The following TBC1D8 variants were observed in gnomAD, a reference collection of about 807,000 sequenced individuals.
The protein encoded by TBC1D8 is TBC1 domain family member 8.
TBC1D8 carries 65 observed loss-of-function variants against 118.8 expected under a neutral mutation model. That is an observed-to-expected ratio of 0.55 (90% confidence interval 0.45 to 0.67). The LOEUF is 0.67. TBC1D8 is among the 30% of genes least tolerant of loss of function. The pLI is 0.00. For synonymous variants in TBC1D8, 566 were observed against 595.8 expected, an observed-to-expected ratio of 0.95 and a Z score of 0.73; for missense variants, 1,376 against 1,471.2, an observed-to-expected ratio of 0.94 and a Z score of 1.06.
rs775862111 is a variant in TBC1D8 at position 101,090,383 on chromosome 2, G to C, written c.128-19C>G. 8.1e-6 allele frequency: 13 copies of C among 1,613,300 alleles called. No homozygotes were observed. In the East Asian group the frequency reaches 2.9e-4, roughly 36 times the overall value. On this transcript the variant is annotated intron_variant, in intron 1 of 19. Coordinates refer to ENST00000409318, the MANE Select transcript of TBC1D8 (RefSeq NM_001330348.2). ...AGGCGACCTTCAAAAGAAAAGAGAAGAAAGTGCACCTGTGAGCATGGGGCT... is the reference window on the plus strand; with the variant it reads ...AGGCGACCTTCAAAAGAAAAGAGAACAAAGTGCACCTGTGAGCATGGGGCT...
chr2:101,019,766 C>T (rs952623070), intron 17 of TBC1D8: 1 of 152,082 alleles, frequency 6.6e-6, no homozygotes, highest in African/African-American at 2.4e-5. Context: ...AGTAGTAATT[C>T]ATTAGAAAGT....
intron 1 of TBC1D8, among the ~76,000 whole-genome samples, chr2:101,094,304 TC>T (rs1676252098): frequency 6.6e-6 from 1 of 152,118 alleles, no homozygotes; most frequent in Non-Finnish European, 1.5e-5. Flanking sequence ...TAGCCATACC[TC>T]AGGGGAGCTC....
At chr2:101,146,188 TGA>T (rs1206975381) in intron 1 of TBC1D8, among the ~76,000 whole-genome samples, 4 of 152,334 alleles carry the variant, frequency 2.6e-5, no homozygotes, top group African/African-American at 4.8e-5. Flanking sequence ...TTCTTAAGGC[TGA>T]GTTATAACTA....
intron 2 of TBC1D8, among the ~76,000 whole-genome samples, chr2:101,082,571 C>A (rs1431184581): frequency 1.3e-5 from 2 of 152,204 alleles, no homozygotes; most frequent in African/African-American, 4.8e-5. Context: ...AGCCGACTTA[C>A]AATGGAATAT....
At chr2:101,052,469 T>C (rs1682134660) in intron 4 of TBC1D8, among the ~76,000 whole-genome samples, 1 of 138,526 alleles carries the variant, frequency 7.2e-6, no homozygotes, top group Non-Finnish European at 1.5e-5. Context: ...ATCATTTATT[T>C]TTCCTAAATC....
intron 2 of TBC1D8, among the ~76,000 whole-genome samples, chr2:101,081,467 C>A (rs1367542582): frequency 6.6e-6 from 1 of 152,190 alleles, no homozygotes; most frequent in Non-Finnish European, 1.5e-5. Flanking sequence ...CTGGAGCAGC[C>A]CAGAGTCCAA....
chr2:101,067,597 GA>G (rs1293717121), intron 2 of TBC1D8, among the ~76,000 whole-genome samples: 1 of 152,140 alleles, frequency 6.6e-6, no homozygotes, highest in East Asian at 1.9e-4. Flanking sequence ...CTTACCTAGA[GA>G]ATACTTTATG....
rs1281789390 is a variant in TBC1D8, at chr2:101,008,092, G to C, written c.3197C>G (p.Ser1066Ter). 6.2e-7 allele frequency: 1 copy of C among 1,613,916 alleles called. No homozygotes were observed. Among genetic ancestry groups the C allele is most frequent in the South Asian group, 1.1e-5 (1 of 91,078 alleles). Residue 1066 changes from serine (S) to a stop codon, truncating the protein, a stop_gained, in exon 20 of 20, where the codon TCA becomes TGA. Transcript: ENST00000409318. LOFTEE classifies it low-confidence loss of function (END_TRUNC). The stretch of plus-strand genomic sequence containing the variant: ...AACCGAGTCCTCAGGAGAAGGAGCT[G>C]AAGCCCGCAGCTCCTCCCCACACTC... ...SQECGEELRA[S>*]APSPEDSVFA... is the part of the protein sequence containing the mutation.
At chr2:101,033,109 A>T (rs953839827) in intron 10 of TBC1D8, among the ~76,000 whole-genome samples, 2 of 146,980 alleles carry the variant, frequency 1.4e-5, no homozygotes, top group African/African-American at 5.0e-5. Context: ...TTCTCTTTTC[A>T]GGCACTCGGT....
intron 2 of TBC1D8, among the ~76,000 whole-genome samples, chr2:101,072,584 T>C (rs1216142731): frequency 6.6e-6 from 1 of 152,146 alleles, no homozygotes; most frequent in Non-Finnish European, 1.5e-5. Context: ...GGGATGAAAC[T>C]GTTCCACCTC....
chr2:101,008,239 C>A lies in TBC1D8; in HGVS notation c.3050G>T (p.Ser1017Ile). The change falls in exon 20 of 20, where the codon AGT becomes ATT. Residue 1017 changes from serine to isoleucine, a missense_variant. Physicochemically the swap from Ser to Ile is moderately radical, Grantham distance 142. Transcript: ENST00000409318. ...EFIQFCKTLY[S>I]MFHEDPEEND... ...TTCTTCTGGATCTTCATGGAACATA[C>A]TGTACAGAGTTTTACAGAACTGGAT... The A allele has an allele frequency of 6.3e-7, 1 of 1,586,250 alleles. No individual in the cohort carries two copies. Among genetic ancestry groups the A allele is most frequent in the South Asian group, 1.2e-5 (1 of 86,848 alleles).
rs774275966 is a variant in TBC1D8, at chr2:101,022,508, A to G, written c.2534T>C (p.Met845Thr). ...LYDLFKREHM[M>T]SCYWEQPRPM... The stretch of plus-strand genomic sequence containing the variant: ...CCTGGGCTGCTCCCAGTAACAGCTC[A>G]TCATATGTTCTCTCTTCAAACAAGA... The change falls in exon 16 of 20, where the codon ATG (methionine) becomes ACG (threonine). Residue 845 changes from methionine (M) to threonine (T), a missense_variant. Coordinates refer to ENST00000409318, the MANE Select transcript of TBC1D8 (RefSeq NM_001330348.2). The G allele has an allele frequency of 6.3e-7, 1 of 1,594,552 alleles. No homozygotes were observed. Among genetic ancestry groups the G allele is most frequent in the Non-Finnish European group, 8.5e-7 (1 of 1,175,034 alleles).
At chr2:101,123,735 T>C (rs1192252650) in intron 1 of TBC1D8, among the ~76,000 whole-genome samples, 2 of 152,188 alleles carry the variant, frequency 1.3e-5, no homozygotes, top group Admixed American at 1.3e-4. Context: ...CGCTTTGTTT[T>C]GTTGGGGCTA....
chr2:101,140,855 G>A (rs752080711), intron 1 of TBC1D8, among the ~76,000 whole-genome samples: 12 of 150,976 alleles, frequency 7.9e-5, no homozygotes, highest in African/African-American at 1.5e-4. Context: ...CTCCGTCTCC[G>A]GGTTCAAGCC....
rs1279351693 is a variant in TBC1D8 at position 101,071,800 on chromosome 2, G to T, written c.284-12261C>A. 2.0e-5 allele frequency among the ~76,000 whole-genome samples: 3 copies of T among 152,248 alleles called. No individual in the cohort carries two copies. In the East Asian group the frequency reaches 5.8e-4, roughly 29 times the overall value. ...TTATATGATTTAAAATTTGCTGTGT[G>T]AAATTTAAAAGTGTTTTTAAAGATC... is the stretch of plus-strand genomic sequence containing the variant. On this transcript the variant is annotated intron_variant, in intron 2 of 19. Coordinates refer to ENST00000409318, the MANE Select transcript of TBC1D8 (RefSeq NM_001330348.2).
chr2:101,143,093 C>T (rs1345377339), intron 1 of TBC1D8, among the ~76,000 whole-genome samples: 17 of 140,444 alleles, frequency 1.2e-4, no homozygotes, highest in African/African-American at 4.1e-4. Context: ...GACAGAGTCT[C>T]ACCCTGTCAC....
chr2:101,117,358 G>A (rs889924096), intron 1 of TBC1D8, among the ~76,000 whole-genome samples: 6 of 152,072 alleles, frequency 3.9e-5, no homozygotes, highest in African/African-American at 1.2e-4. Flanking sequence ...GCTCTCCAAA[G>A]CCTCCCACAA....
intron 1 of TBC1D8, among the ~76,000 whole-genome samples, chr2:101,097,447 A>G (rs1676535101): frequency 6.6e-6 from 1 of 152,160 alleles, no homozygotes; most frequent in Non-Finnish European, 1.5e-5. Context: ...ATAATCGTCT[A>G]AAGTAGTAAT....
In TBC1D8 at chr2:101,021,760, A is replaced by C; in HGVS notation, c.2762-14T>G. On this transcript the variant is annotated splice_polypyrimidine_tract_variant and intron_variant, in intron 16 of 19. Transcript: ENST00000409318. Reference sequence around the variant, plus strand: ...TATACATAATATCTGCAAAAAGTTTAAAAAGAGTGAGTTGATGCCAATGCT... The same window carrying C: ...TATACATAATATCTGCAAAAAGTTTCAAAAGAGTGAGTTGATGCCAATGCT... The C allele has an allele frequency of 6.7e-7, 1 of 1,497,272 alleles. No homozygotes were observed. Among genetic ancestry groups the C allele is most frequent in the Non-Finnish European group, 9.2e-7 (1 of 1,091,310 alleles). The allele number at this position is 1,497,272 out of a possible 1,614,324, so 92.7% of individuals were successfully genotyped here.
Sources: gnomAD v4.1 joint callset for allele counts (sites outside exome capture counted in the v4.1 genomes callset) on GRCh38, gnomAD v4.1.1 for gene constraint, MANE v1.5 for transcripts, NCBI Gene and HGNC (gene_info 2026-07-23, HGNC 2026-07-21) for gene names.